Variants in ARHGAP32 observed in about 807,000 individuals in gnomAD.
ARHGAP32 encodes the protein Rho GTPase activating protein 32, also known as rho GTPase-activating protein 32.
A neutral mutation model predicts 186.5 loss-of-function variants in ARHGAP32; 51 were observed. The observed-to-expected ratio is 0.27, with a 90% CI of 0.22 to 0.35. ARHGAP32 has a LOEUF of 0.35. ARHGAP32 is among the 10% of genes least tolerant of loss of function. The pLI is 1.00. For missense variants in ARHGAP32, 2,186 were observed against 2,623.5 expected (o/e 0.83, Z 3.64); for synonymous variants, 950 against 964.3 (o/e 0.99, Z 0.27).
chr11:129,217,491 T>G (rs59421910), intron 1 of ARHGAP32, among the ~76,000 whole-genome samples: 10 of 152,104 alleles, frequency 6.6e-5, no homozygotes, highest in Admixed American at 2.6e-4. Context: ...TATTTATTTT[T>G]TAAAAGTTCA....
Position 128,981,540 on chromosome 11 carries a change from G to T in ARHGAP32, c.1656C>A (p.Ala552=). 1 of 1,613,818 alleles carries T rather than the reference G, an allele frequency of 6.2e-7. No homozygotes were observed. Residue 552 remains alanine (A), a synonymous_variant, in exon 17 of 23, where the codon GCC becomes GCA. Coordinates refer to ENST00000682385, the MANE Select transcript of ARHGAP32 (RefSeq NM_001378024.1). ...TGAAAGCTGCTGTTCCACTGAAGCA[G>T]GCAGATTCTATCTGTTTTGATCTGT... is the stretch of plus-strand genomic sequence containing the variant. ...NLLRSKQIES[A]CFSGTAAFME...
chr11:129,128,429 CTG>C, intron 2 of ARHGAP32, among the ~76,000 whole-genome samples: 2 of 152,252 alleles, frequency 1.3e-5, no homozygotes, highest in East Asian at 1.9e-4. Flanking sequence ...AACAAAGAAA[CTG>C]AGTATTGTTA....
intron 1 of ARHGAP32, among the ~76,000 whole-genome samples, chr11:129,265,090 A>C (rs1945377920): frequency 6.6e-6 from 1 of 152,176 alleles, no homozygotes; most frequent in Non-Finnish European, 1.5e-5. Flanking sequence ...GAAACAACAC[A>C]GAATACAAAT....
intron 1 of ARHGAP32, among the ~76,000 whole-genome samples, chr11:129,191,038 G>A (rs1944260810): frequency 6.6e-6 from 1 of 152,122 alleles, no homozygotes; most frequent in African/African-American, 2.4e-5. Flanking sequence ...GTTATCAAGA[G>A]TTCCCAATAT....
chr11:129,178,121 A>C (rs1943961565), intron 1 of ARHGAP32, among the ~76,000 whole-genome samples: 1 of 151,498 alleles, frequency 6.6e-6, no homozygotes, highest in Non-Finnish European at 1.5e-5. Flanking sequence ...AATGTACAAA[A>C]ATCACAAGCA....
chr11:128,994,306 C>A (rs1187601436), intron 12 of ARHGAP32, among the ~76,000 whole-genome samples: 1 of 152,076 alleles, frequency 6.6e-6, no homozygotes. Context: ...AGGCATGCAC[C>A]ACCACACCCG....
At position 129,123,255 on chromosome 11, in the gene ARHGAP32, A is replaced by G. The variant is rs1259802921; in HGVS notation, c.444+191T>C. On this transcript the variant is annotated intron_variant, in intron 5 of 22. Transcript: ENST00000682385. This position sits in a 1 kb window ranked among gnomAD's most constrained non-coding sequence, Gnocchi z 4.6. The stretch of plus-strand genomic sequence containing the variant: ...ACATGTTAGTGTGATGGTTACTTTC[A>G]TATGTCAACGTGACATCAAGTATTT... Among the ~76,000 whole-genome samples, 1 of 152,086 alleles carries G rather than the reference A, an allele frequency of 6.6e-6. No homozygotes were observed. Among genetic ancestry groups the G allele is most frequent in the Non-Finnish European group, 1.5e-5 (1 of 67,974 alleles).
Position 128,974,945 on chromosome 11 carries a change from G to A in ARHGAP32, c.2252C>T (p.Ala751Val). Reference sequence around the variant, plus strand: ...CCCCAGCATTTCTCCATTAAAAGAGGCAGACAGTGCATCACTGGAAGATCT... The same window carrying A: ...CCCCAGCATTTCTCCATTAAAAGAGACAGACAGTGCATCACTGGAAGATCT... ...RPRSSSDALSASFNGEMLGNR... is the reference protein window; with the variant it reads ...RPRSSSDALSVSFNGEMLGNR... The change falls in exon 21 of 23, where the codon GCC becomes GTC. Residue 751 changes from alanine (A) to valine (V), a missense_variant. By Grantham distance (64) the Ala-to-Val change is moderately conservative. This residue lies in a region of ARHGAP32 where 263 missense variants were observed against 323.5 expected (regional missense o/e 0.81). Coordinates refer to ENST00000682385, the MANE Select transcript of ARHGAP32 (RefSeq NM_001378024.1). 1 of 1,613,882 alleles carries A rather than the reference G, an allele frequency of 6.2e-7. No individual in the cohort carries two copies.
At position 128,968,416 on chromosome 11, in the gene ARHGAP32, G is replaced by A. The variant is rs2136053839; in HGVS notation, c.*491C>T. On this transcript the variant is annotated 3_prime_UTR_variant, in exon 23 of 23. Coordinates refer to ENST00000682385, the MANE Select transcript of ARHGAP32 (RefSeq NM_001378024.1). ...CTGAACACAAGATCCTTCTCAGACG[G>A]GGAGAATGAAGTGACAACAGTGTGT... The A allele has an allele frequency of 1.3e-5, 2 of 152,378 alleles. No homozygotes were observed. Among genetic ancestry groups the A allele is most frequent in the Middle Eastern group, 3.4e-3 (1 of 294 alleles). The allele number at this position is 152,378 out of a possible 1,614,324, so 9.4% of individuals were successfully genotyped here.
chr11:129,101,391 T>C (rs1941894486), intron 5 of ARHGAP32, among the ~76,000 whole-genome samples: 2 of 152,042 alleles, frequency 1.3e-5, no homozygotes, highest in African/African-American at 4.8e-5. Flanking sequence ...AGAATATGCA[T>C]AGGAATGAAG....
At chr11:129,177,333 T>G (rs1488183926) in intron 1 of ARHGAP32, among the ~76,000 whole-genome samples, 2 of 152,096 alleles carry the variant, frequency 1.3e-5, no homozygotes, top group African/African-American at 2.4e-5. Context: ...ACCAGATGGA[T>G]TCACAGCCGA....
chr11:129,123,836 C>A lies in ARHGAP32; in HGVS notation c.359+52G>T. 1.6e-6 allele frequency: 2 copies of A among 1,272,962 alleles called. No homozygotes were observed. Among genetic ancestry groups the A allele is most frequent in the African/African-American group, 1.5e-5 (1 of 65,712 alleles). The allele number at this position is 1,272,962 out of a possible 1,614,324, so 78.9% of individuals were successfully genotyped here. ...CAAATGTTATGGAAACTGTGGACAG[C>A]CAGCTTCTAACCAGAAGCATTCCCA... is the stretch of plus-strand genomic sequence containing the variant. On this transcript the variant is annotated intron_variant, in intron 4 of 22. Coordinates refer to ENST00000682385, the MANE Select transcript of ARHGAP32 (RefSeq NM_001378024.1). This position sits in a 1 kb window ranked among gnomAD's most constrained non-coding sequence, Gnocchi z 4.6.
intron 5 of ARHGAP32, among the ~76,000 whole-genome samples, chr11:129,122,065 T>C (rs1468144594): frequency 1.3e-5 from 2 of 152,090 alleles, no homozygotes; most frequent in Non-Finnish European, 2.9e-5. Flanking sequence ...GGTCATAAAT[T>C]TCCTAAGAAG....
chr11:129,196,386 C>T (rs1193468153), upstream of ARHGAP32, among the ~76,000 whole-genome samples: 1 of 152,168 alleles, frequency 6.6e-6, no homozygotes, highest in Non-Finnish European at 1.5e-5. Flanking sequence ...ATTCCCTAAA[C>T]AATACTGTAT....
intron 2 of ARHGAP32, among the ~76,000 whole-genome samples, chr11:129,146,386 T>C (rs927298128): frequency 4.6e-5 from 7 of 152,170 alleles, no homozygotes; most frequent in Admixed American, 4.6e-4. Flanking sequence ...TATTATGCTC[T>C]GTCTTGGCCA....
At position 129,115,741 on chromosome 11, in the gene ARHGAP32, G is replaced by A. The variant is rs148848326; in HGVS notation, c.444+7705C>T. On this transcript the variant is annotated intron_variant, in intron 5 of 22. Coordinates refer to ENST00000682385, the MANE Select transcript of ARHGAP32 (RefSeq NM_001378024.1). Reference sequence around the variant, plus strand: ...CTGAACTTAACCCAGTAACCCTAAAGATGGAGCCCTCTAGAGATAAAAGTT... The same window carrying A: ...CTGAACTTAACCCAGTAACCCTAAAAATGGAGCCCTCTAGAGATAAAAGTT... Among the ~76,000 whole-genome samples the A allele has an allele frequency of 5.0e-4, 76 of 152,190 alleles. 1 individual carries two copies. The East Asian group carries it at 0.014, about 28-fold the overall frequency.
intron 1 of ARHGAP32, among the ~76,000 whole-genome samples, chr11:129,191,142 G>C (rs1944262560): frequency 6.6e-6 from 1 of 152,076 alleles, no homozygotes; most frequent in African/African-American, 2.4e-5. Context: ...CTCTTTTTCA[G>C]CATTAAACAC....
At chr11:129,253,629 G>A (rs1295610276) in intron 1 of ARHGAP32, among the ~76,000 whole-genome samples, 2 of 152,012 alleles carry the variant, frequency 1.3e-5, no homozygotes, top group Admixed American at 6.6e-5. Context: ...AATCCTCATA[G>A]GGCAATCAAA....
chr11:129,242,739 A>T (rs1396192529), intron 1 of ARHGAP32, among the ~76,000 whole-genome samples: 8 of 151,974 alleles, frequency 5.3e-5, no homozygotes. Flanking sequence ...AAGATAAAGA[A>T]AAAAGAAATC....
Sources: gnomAD v4.1 joint callset for allele counts (sites outside exome capture counted in the v4.1 genomes callset) on GRCh38, gnomAD v4.1.1 for gene constraint, gnomAD v4.1.1 regional missense constraint, Gnocchi (gnomAD v3.1) non-coding constraint, MANE v1.5 for transcripts, NCBI Gene and HGNC (gene_info 2026-07-23, HGNC 2026-07-21) for gene names.